SNX4: variants seen among roughly 807,000 people sequenced by gnomAD.
The protein encoded by SNX4 is sorting nexin-4.
In SNX4, 49 loss-of-function variants were observed where a neutral mutation model predicts 70.8. That is an observed-to-expected ratio of 0.69 (90% CI 0.55 to 0.88). The LOEUF (loss-of-function observed/expected upper bound fraction) is 0.88, where lower values mean the gene tolerates loss of function less well. Among genes scored for constraint, SNX4 ranks in the 40% least tolerant of loss-of-function variants. The probability of loss-of-function intolerance (pLI) is 0.00; values close to 1 mark genes in which losing one functional copy is unlikely to be tolerated. For synonymous variants in SNX4, 206 were observed against 183.8 expected, an observed-to-expected ratio of 1.12 and a Z score of -0.98; for missense variants, 528 against 544.8, an observed-to-expected ratio of 0.97 and a Z score of 0.31.
chr3:125,485,932 C>G (rs1463759286), intron 6 of SNX4, among the ~76,000 whole-genome samples: 1 of 152,122 alleles, frequency 6.6e-6, no homozygotes, highest in Non-Finnish European at 1.5e-5. Context: ...CCTCCGCCTC[C>G]CGGGTTCAAG....
chr3:125,451,651 G>A (rs1933576671), intron 12 of SNX4, among the ~76,000 whole-genome samples: 1 of 151,534 alleles, frequency 6.6e-6, no homozygotes, highest in Admixed American at 6.6e-5. Flanking sequence ...TTTTGAGACA[G>A]AGTCTCACTC....
At chr3:125,505,460 G>C (rs576239180) in intron 1 of SNX4, among the ~76,000 whole-genome samples, 2 of 152,250 alleles carry the variant, frequency 1.3e-5, no homozygotes, top group East Asian at 3.9e-4. Flanking sequence ...AACTCCCAGG[G>C]GAAGGCTTGG....
At chr3:125,507,901 A>C (rs539693474) in intron 1 of SNX4, among the ~76,000 whole-genome samples, 50 of 152,224 alleles carry the variant, frequency 3.3e-4, no homozygotes, top group African/African-American at 1.1e-3. Flanking sequence ...CAACAGTCAC[A>C]CTCTGTCTCA....
At chr3:125,486,426 T>C (rs1050398185) in intron 6 of SNX4, among the ~76,000 whole-genome samples, 3 of 152,100 alleles carry the variant, frequency 2.0e-5, no homozygotes, top group African/African-American at 4.8e-5. Flanking sequence ...CTATGCAATG[T>C]AGCACAGTAC....
At chr3:125,507,457 G>A (rs1445980002) in intron 1 of SNX4, among the ~76,000 whole-genome samples, 1 of 151,902 alleles carries the variant, frequency 6.6e-6, no homozygotes, top group Non-Finnish European at 1.5e-5. Flanking sequence ...AGAGGGGAGA[G>A]AGAAAAAGGA....
chr3:125,454,674 T>C (rs140608746), intron 11 of SNX4, among the ~76,000 whole-genome samples: 175 of 152,334 alleles, frequency 1.1e-3, no homozygotes, highest in African/African-American at 3.9e-3. Context: ...GAGGGATGAC[T>C]GCACTACTGA....
Position 125,446,670 on chromosome 3 carries a change from T to C in SNX4, c.*1109A>G, listed in dbSNP as rs1024299690. ...GAAAATCAGCACAATATTTCATTTA[T>C]TTATTGTATAAGTTTGGCAAACAGC... On this transcript the variant is annotated 3_prime_UTR_variant, in exon 14 of 14. Coordinates refer to ENST00000251775, the MANE Select transcript of SNX4 (RefSeq NM_003794.4). The C allele has an allele frequency of 6.6e-6, 1 of 152,602 alleles. No individual in the cohort carries two copies. The highest frequency in any genetic ancestry group is 6.5e-5 in the Admixed American group (1 of 15,278). The allele number at this position is 152,602 out of a possible 1,614,324, so 9.5% of individuals were successfully genotyped here.
At chr3:125,519,950 C>T (rs1264279292) in intron 1 of SNX4, 82 bp downstream of exon 1, 3 of 1,072,602 alleles carry the variant, frequency 2.8e-6, no homozygotes, top group Non-Finnish European at 3.7e-6. Context: ...CCCGGCCCGG[C>T]CCAGCCCAGC....
At chr3:125,448,669 CT>C (rs921502028) in intron 13 of SNX4, among the ~76,000 whole-genome samples, 634 of 95,368 alleles carry the variant, frequency 6.6e-3, no homozygotes, top group African/African-American at 0.024. Flanking sequence ...GGGTTTTTTC[CT>C]TTTTTTTTTT....
At chr3:125,503,506 G>GT in intron 2 of SNX4, among the ~76,000 whole-genome samples, 1 of 151,860 alleles carries the variant, frequency 6.6e-6, no homozygotes. Flanking sequence ...CTTTTTCTTT[G>GT]TTTTTTAAAG....
At chr3:125,468,676 C>T (rs548051842) in intron 9 of SNX4, among the ~76,000 whole-genome samples, 5 of 152,086 alleles carry the variant, frequency 3.3e-5, no homozygotes, top group East Asian at 3.9e-4. Context: ...CAACACTCTG[C>T]CTCTACAAAA....
rs531330477 is a variant in SNX4, at chr3:125,483,830, A to T, written c.654-3511T>A. ...TTAGATAACAATGTATGTTTAAGAA[A>T]TAAAGGAATGAATTTTCTGAAAACG... is the stretch of plus-strand genomic sequence containing the variant. On this transcript the variant is annotated intron_variant, in intron 6 of 13. Coordinates refer to ENST00000251775, the MANE Select transcript of SNX4 (RefSeq NM_003794.4). 2.0e-5 allele frequency among the ~76,000 whole-genome samples: 3 copies of T among 152,370 alleles called. No individual in the cohort carries two copies. In the East Asian group the frequency reaches 5.8e-4, roughly 29 times the overall value.
chr3:125,446,999 G>C lies in SNX4; in HGVS notation c.*780C>G, dbSNP rs532087243. The C allele has an allele frequency of 6.6e-6, 1 of 152,662 alleles. No homozygotes were observed. The highest frequency in any genetic ancestry group is 2.4e-5 in the African/African-American group (1 of 41,556). The allele number at this position is 152,662 out of a possible 1,614,324, so 9.5% of individuals were successfully genotyped here. ...AATGCTACATCTTATACCCTGAAAT[G>C]CCATGTGTAGAGAGCCAAGCAGAGT... On this transcript the variant is annotated 3_prime_UTR_variant, in exon 14 of 14. Coordinates refer to ENST00000251775, the MANE Select transcript of SNX4 (RefSeq NM_003794.4).
At position 125,469,518 on chromosome 3, in the gene SNX4, C is replaced by T. The variant is rs531379537; in HGVS notation, c.790G>A (p.Glu264Lys). ...VHGNYGRVFS[E>K]WSAIEKEMGD... ...ATTTCTTTTTCTATGGCACTCCATT[C>T]ACTAGGGAGTAAAAGATAAAACCAA... Residue 264 changes from glutamate to lysine, a missense_variant and splice_region_variant, in exon 9 of 14, where the codon GAA becomes AAA. Coordinates refer to ENST00000251775, the MANE Select transcript of SNX4 (RefSeq NM_003794.4). 1.2e-6 allele frequency: 2 copies of T among 1,608,442 alleles called. No homozygotes were observed. Among genetic ancestry groups the T allele is most frequent in the African/African-American group, 2.7e-5 (2 of 74,932 alleles).
At position 125,473,541 on chromosome 3, in the gene SNX4, A is replaced by T. The variant is rs186971951; in HGVS notation, c.788+3154T>A. On this transcript the variant is annotated intron_variant, in intron 8 of 13. Transcript: ENST00000251775. Reference sequence around the variant, plus strand: ...GCAATTTTCCCACCTCAGCCTCCCAAGTAGCTGGGATTACAGGCACACGCC... The same window carrying T: ...GCAATTTTCCCACCTCAGCCTCCCATGTAGCTGGGATTACAGGCACACGCC... 3.5e-4 allele frequency among the ~76,000 whole-genome samples: 54 copies of T among 152,162 alleles called. No homozygotes were observed. The East Asian group carries it at 9.9e-3, about 28-fold the overall frequency.
At chr3:125,492,035 G>A (rs1031485743) in intron 5 of SNX4, among the ~76,000 whole-genome samples, 131 of 147,368 alleles carry the variant, frequency 8.9e-4, no homozygotes, top group African/African-American at 3.0e-3. Context: ...TTGAACCCGT[G>A]AGGCAGAGTT....
chr3:125,462,593 CAAAAA>C (rs34157775), intron 9 of SNX4, among the ~76,000 whole-genome samples: 2 of 48,260 alleles, frequency 4.1e-5, no homozygotes, highest in African/African-American at 8.2e-5. Context: ...TCTGTCTCAC[CAAAAA>C]AAAAAAAAAA....
In SNX4 at chr3:125,480,309, C is replaced by A; in HGVS notation, c.664G>T (p.Asp222Tyr). 6.6e-7 allele frequency: 1 copy of A among 1,519,700 alleles called. No individual in the cohort carries two copies. The highest frequency in any genetic ancestry group is 1.3e-5 in the South Asian group (1 of 75,866). The allele number at this position is 1,519,700 out of a possible 1,614,324, so 94.1% of individuals were successfully genotyped here. The change falls in exon 7 of 14, where the codon GAC (aspartate) becomes TAC (tyrosine). Residue 222 changes from aspartate to tyrosine, a missense_variant. Asp to Tyr is a radical substitution (Grantham distance 160). Transcript: ENST00000251775. ...RVKNPDKRFT[D>Y]LKHYSDELQS... ...AGTTCATCACTATAGTGCTTAAGGT[C>A]AGTAAATCTCCTGAAACAGGAAACA...
chr3:125,485,864 G>A (rs549993201), intron 6 of SNX4, among the ~76,000 whole-genome samples: 17 of 151,856 alleles, frequency 1.1e-4, no homozygotes, highest in African/African-American at 3.6e-4. Flanking sequence ...TTTTTGAGAC[G>A]GAGTCTTGCT....
Sources: gnomAD v4.1 joint callset for allele counts (sites outside exome capture counted in the v4.1 genomes callset) on GRCh38, gnomAD v4.1.1 for gene constraint, MANE v1.5 for transcripts, NCBI Gene and HGNC (gene_info 2026-07-23, HGNC 2026-07-21) for gene names.